EYA3: variants seen among roughly 807,000 people sequenced by gnomAD.
EYA3 encodes EYA transcriptional coactivator and phosphatase 3.
In EYA3, 39 loss-of-function variants were observed where a neutral mutation model predicts 80.0. The observed-to-expected ratio is 0.49, with a 90% CI of 0.38 to 0.64. EYA3 has a LOEUF of 0.64. Ranked by LOEUF, EYA3 falls within the 30% of genes least tolerant of loss-of-function variation. The pLI, the probability that EYA3 is intolerant of heterozygous loss-of-function variation, is 0.00. For synonymous variants in EYA3, 206 were observed against 232.8 expected (o/e 0.88, Z 1.05); for missense variants, 523 against 676.1 (o/e 0.77, Z 2.51).
At chr1:28,070,858 C>T (rs1002019903) in intron 1 of EYA3, among the ~76,000 whole-genome samples, 6 of 152,158 alleles carry the variant, frequency 3.9e-5, no homozygotes, top group Admixed American at 6.5e-5. Context: ...ATCTTTCCAA[C>T]GCCTTAACAA....
In EYA3 at chr1:28,041,235, G is replaced by A. The variant is rs576688880; in HGVS notation, c.157+1336C>T. ...AAAAATTAGCCAGGCGTGATGGTGC[G>A]TGCCTGTAATTCCAGCTATTCGGAA... On this transcript the variant is annotated intron_variant, in intron 4 of 17. Coordinates refer to ENST00000373871, the MANE Select transcript of EYA3 (RefSeq NM_001990.4). Among the ~76,000 whole-genome samples the A allele has an allele frequency of 2.5e-4, 38 of 152,228 alleles. No individual in the cohort carries two copies. The South Asian group carries it at 6.4e-3, about 26-fold the overall frequency.
intron 3 of EYA3, among the ~76,000 whole-genome samples, chr1:28,045,179 T>C (rs1238845282): frequency 6.6e-6 from 1 of 152,220 alleles, no homozygotes; most frequent in Non-Finnish European, 1.5e-5. Context: ...AATGTTTATA[T>C]TTTTGTAATA....
chr1:28,081,346 C>G (rs776037145), intron 1 of EYA3, among the ~76,000 whole-genome samples: 9 of 152,102 alleles, frequency 5.9e-5, no homozygotes, highest in African/African-American at 2.2e-4. Flanking sequence ...CTACTGCTTC[C>G]TAACCTATAG....
chr1:27,972,538 C>T lies in EYA3; in HGVS notation c.*1928G>A, dbSNP rs1176985212. On this transcript the variant is annotated 3_prime_UTR_variant, in exon 18 of 18. Transcript: ENST00000373871. ...CCTGGCATTGGAAGGAGTCTTGCCT[C>T]TTTGTGCTGCAACATCTCTGGAAAT... 6.6e-6 allele frequency: 1 copy of T among 152,256 alleles called. No homozygotes were observed. The highest frequency in any genetic ancestry group is 1.5e-5 in the Non-Finnish European group (1 of 68,066). 9.4% of individuals were successfully genotyped at this position (152,256 alleles called of 1,614,324 possible). A position where few individuals can be genotyped will look rare whatever the true frequency, so the allele number is the denominator to read the frequency against.
chr1:27,991,677 C>T (rs1348335480), intron 14 of EYA3, among the ~76,000 whole-genome samples: 1 of 152,080 alleles, frequency 6.6e-6, no homozygotes, highest in African/African-American at 2.4e-5. Flanking sequence ...TTGGATAAAA[C>T]AAAACGACAA....
intron 14 of EYA3, chr1:27,990,220 G>A: frequency 5.8e-6 from 1 of 173,248 alleles, no homozygotes; most frequent in East Asian, 1.6e-4. Context: ...GGGTACAGAT[G>A]TTCAAGCACT....
intron 1 of EYA3, among the ~76,000 whole-genome samples, chr1:28,063,298 T>C (rs2148910762): frequency 7.8e-6 from 1 of 128,330 alleles, no homozygotes; most frequent in African/African-American, 2.9e-5. Flanking sequence ...GCCTTATATA[T>C]ATATATATTT....
chr1:28,065,987 C>A (rs1463684531), intron 1 of EYA3, among the ~76,000 whole-genome samples: 1 of 149,222 alleles, frequency 6.7e-6, no homozygotes, highest in Non-Finnish European at 1.5e-5. Flanking sequence ...CCAGCCTGGG[C>A]AAGAGTGAAA....
chr1:28,074,246 G>A (rs1645127026), intron 1 of EYA3, among the ~76,000 whole-genome samples: 2 of 151,994 alleles, frequency 1.3e-5, no homozygotes, highest in Admixed American at 1.3e-4. Flanking sequence ...TTGAAATGGT[G>A]GAAGAATTCT....
At chr1:28,028,427 G>T (rs1009017704) in intron 6 of EYA3, among the ~76,000 whole-genome samples, 2 of 151,824 alleles carry the variant, frequency 1.3e-5, no homozygotes, top group Non-Finnish European at 2.9e-5. Context: ...TGTTTCTTCC[G>T]ATTAGGAAAG....
chr1:28,019,417 C>G (rs1183247331), intron 7 of EYA3, among the ~76,000 whole-genome samples: 1 of 152,162 alleles, frequency 6.6e-6, no homozygotes, highest in Admixed American at 6.5e-5. Flanking sequence ...AGCATCAAAA[C>G]ATGACAATAT....
intron 1 of EYA3, among the ~76,000 whole-genome samples, chr1:28,076,548 T>C (rs1645208729): frequency 6.6e-6 from 1 of 150,922 alleles, no homozygotes; most frequent in African/African-American, 2.4e-5. Context: ...CTGTCTCTAC[T>C]AAAAATACAA....
At chr1:28,062,389 T>C (rs890307702) in intron 1 of EYA3, among the ~76,000 whole-genome samples, 2 of 152,234 alleles carry the variant, frequency 1.3e-5, no homozygotes, top group South Asian at 2.1e-4. Flanking sequence ...TATTGAGATT[T>C]TGCATGCTTA....
chr1:27,982,867 T>C (rs911190320), intron 16 of EYA3, among the ~76,000 whole-genome samples: 1 of 152,224 alleles, frequency 6.6e-6, no homozygotes, highest in Non-Finnish European at 1.5e-5. Context: ...GCTTGGCCTA[T>C]TGTTTTTAAT....
chr1:28,050,175 TTTATTATTA>T (rs370930213), intron 2 of EYA3, among the ~76,000 whole-genome samples: 5 of 133,530 alleles, frequency 3.7e-5, no homozygotes, highest in South Asian at 2.4e-4. Flanking sequence ...TTACTTTTTA[TTTATTATTA>T]TTATTATTAT....
Position 28,048,350 on chromosome 1 carries a change from T to C in EYA3, c.77+33A>G, listed in dbSNP as rs1187278513. 2.6e-6 allele frequency: 4 copies of C among 1,536,550 alleles called. No homozygotes were observed. In the Admixed American group the frequency reaches 5.7e-5, roughly 22 times the overall value. On this transcript the variant is annotated intron_variant, in intron 3 of 17. Transcript: ENST00000373871. ...GAAAAAAAAAAACAAAACTTATGAG[T>C]AGTTCATTAAAAAGAAAGCAAACTT...
intron 16 of EYA3, among the ~76,000 whole-genome samples, chr1:27,980,798 GA>G (rs1326579429): frequency 6.6e-6 from 1 of 152,182 alleles, no homozygotes; most frequent in Non-Finnish European, 1.5e-5. Context: ...AGCACTTTGG[GA>G]GGCCTAAGGC....
At chr1:28,053,241 A>G (rs1644330725) in intron 2 of EYA3, among the ~76,000 whole-genome samples, 1 of 151,980 alleles carries the variant, frequency 6.6e-6, no homozygotes, top group East Asian at 1.9e-4. Context: ...AAACCATTTT[A>G]GAATAGACTA....
chr1:28,059,525 A>T (rs923451758), intron 1 of EYA3, among the ~76,000 whole-genome samples: 1 of 152,190 alleles, frequency 6.6e-6, no homozygotes, highest in Non-Finnish European at 1.5e-5. Context: ...ATGAAAGATC[A>T]AACATTTTTG....
Sources: allele counts gnomAD v4.1 joint callset (sites outside exome capture counted in the v4.1 genomes callset), GRCh38; gene constraint gnomAD v4.1.1; transcripts MANE v1.5; gene names NCBI Gene and HGNC (gene_info 2026-07-23, HGNC 2026-07-21).